Variants in CERK observed in about 807,000 individuals in gnomAD.
CERK encodes ceramide kinase, also known as acylsphingosine kinase.
A neutral mutation model predicts 63.4 loss-of-function variants in CERK; 39 were observed. That is an observed-to-expected ratio of 0.61 (90% CI 0.48 to 0.80). The LOEUF (loss-of-function observed/expected upper bound fraction) is 0.80, where lower values mean the gene tolerates loss of function less well. Ranked by LOEUF, CERK falls within the 30% of genes least tolerant of loss-of-function variation. CERK has a pLI of 0.00. For missense variants in CERK, 670 were observed against 714.1 expected (o/e 0.94, Z 0.70); for synonymous variants, 302 against 280.0 (o/e 1.08, Z -0.78).
intron 1 of CERK, among the ~76,000 whole-genome samples, chr22:46,735,685 C>T (rs182319300): frequency 1.3e-5 from 2 of 152,300 alleles, no homozygotes; most frequent in African/African-American, 4.8e-5. Flanking sequence ...CTCATCATTC[C>T]TCAACCTAAT....
intron 7 of CERK, among the ~76,000 whole-genome samples, chr22:46,701,371 G>A (rs1018476103): frequency 1.3e-5 from 2 of 152,238 alleles, no homozygotes; most frequent in African/African-American, 2.4e-5. Flanking sequence ...AGCTGAGTAC[G>A]GGCATCGCGC....
chr22:46,697,190 T>C (rs1292269916), intron 8 of CERK, among the ~76,000 whole-genome samples: 1 of 152,224 alleles, frequency 6.6e-6, no homozygotes, highest in African/African-American at 2.4e-5. Flanking sequence ...GTATCAGGAA[T>C]TACTCGATTT....
intron 12 of CERK, among the ~76,000 whole-genome samples, 172 bp from the exon 13 acceptor site, chr22:46,687,378 G>A (rs374181842): frequency 5.9e-5 from 9 of 152,264 alleles, no homozygotes; most frequent in East Asian, 3.9e-4. Context: ...CCCATGGAAC[G>A]GTCAGACGTC....
chr22:46,724,021 T>TA (rs2082905743), intron 1 of CERK, among the ~76,000 whole-genome samples: 2 of 152,108 alleles, frequency 1.3e-5, no homozygotes, highest in Admixed American at 1.3e-4. Context: ...AAAGTGACAC[T>TA]AAGCTCACTT....
rs562004168 is a variant in CERK at position 46,710,986 on chromosome 22, C to G, written c.569+100G>C. The G allele has an allele frequency of 1.0e-5, 9 of 891,828 alleles. No individual in the cohort carries two copies. In the Admixed American group the frequency reaches 1.9e-4, roughly 18 times the overall value. 55.2% of individuals were successfully genotyped at this position (891,828 alleles called of 1,614,324 possible). On this transcript the variant is annotated intron_variant, in intron 5 of 12. Coordinates refer to ENST00000216264, the MANE Select transcript of CERK (RefSeq NM_022766.6). ...TTTTACAATTGGTCGTGGGTGGAGG[C>G]GGGGGGCGGATTTAGGAAAAGGAGC...
At chr22:46,719,795 C>T (rs755527306) in intron 3 of CERK, among the ~76,000 whole-genome samples, 32 of 152,260 alleles carry the variant, frequency 2.1e-4, no homozygotes, top group Non-Finnish European at 4.6e-4. Flanking sequence ...ATTACCATCT[C>T]CGCTTCCAGA....
chr22:46,728,245 A>G (rs2082929388), intron 1 of CERK, among the ~76,000 whole-genome samples: 1 of 152,124 alleles, frequency 6.6e-6, no homozygotes, highest in Admixed American at 6.5e-5. Flanking sequence ...CGGGGTGTCC[A>G]AGGGCTCCAG....
chr22:46,695,352 AG>A (rs561978624), intron 8 of CERK, 37 bp from the exon 9 acceptor site: 42 of 1,189,342 alleles, frequency 3.5e-5, no homozygotes, highest in Non-Finnish European at 5.0e-5. Context: ...AACATCCACA[AG>A]GGTCATTGCT....
At chr22:46,721,154 T>C (rs910498031) in intron 1 of CERK, 139 bp from the exon 2 acceptor site, 5 of 622,888 alleles carry the variant, frequency 8.0e-6, no homozygotes, top group Non-Finnish European at 1.5e-5. Context: ...GGTGTGCACC[T>C]GTAATCCCAG....
Position 46,689,992 on chromosome 22 carries a change from C to T in CERK, c.1541G>A (p.Arg514Lys). Residue 514 changes from arginine (R) to lysine (K), a missense_variant and splice_region_variant, in exon 12 of 13, where the codon AGA (arginine) becomes AAA (lysine). By Grantham distance (26) the Arg-to-Lys change is conservative. Transcript: ENST00000216264. The stretch of plus-strand genomic sequence containing the variant: ...GTGGCTGGAGGACCCCTGCACGCAC[C>T]TGACCTCGATGGCAGGGCTGTGCAG... ...EVLHSPAIEVRVHCQLVRLFA... is the reference protein window; with the variant it reads ...EVLHSPAIEVKVHCQLVRLFA... 6.2e-7 allele frequency: 1 copy of T among 1,601,322 alleles called. No homozygotes were observed.
At chr22:46,692,759 G>A (rs191140840) in intron 10 of CERK, among the ~76,000 whole-genome samples, 29 of 151,956 alleles carry the variant, frequency 1.9e-4, no homozygotes, top group Non-Finnish European at 5.9e-5. Context: ...ACAAAGATTA[G>A]CTGGGCATGG....
At chr22:46,707,293 A>G (rs899699977) in intron 6 of CERK, among the ~76,000 whole-genome samples, 1 of 152,092 alleles carries the variant, frequency 6.6e-6, no homozygotes, top group Non-Finnish European at 1.5e-5. Context: ...TTAGCTTAAC[A>G]CTGTGATTTT....
intron 3 of CERK, among the ~76,000 whole-genome samples, chr22:46,713,737 G>A (rs142793326): frequency 6.6e-6 from 1 of 152,254 alleles, no homozygotes; most frequent in South Asian, 2.1e-4. Flanking sequence ...AGAGAGACTG[G>A]AGGCTTCCAC....
At chr22:46,693,836 C>T (rs1426088548) in intron 9 of CERK, 11 of 355,358 alleles carry the variant, frequency 3.1e-5, no homozygotes, top group Admixed American at 8.1e-5. Flanking sequence ...GTTCCCCCAG[C>T]GGACTCCTGG....
intron 1 of CERK, among the ~76,000 whole-genome samples, chr22:46,737,481 C>A (rs1424522140): frequency 2.0e-5 from 3 of 152,246 alleles, no homozygotes; most frequent in Non-Finnish European, 4.4e-5. Flanking sequence ...ATTCCCCCAT[C>A]CCGAGCAGGG....
At chr22:46,691,937 C>T (rs73471154) in intron 10 of CERK, among the ~76,000 whole-genome samples, 160 bp from the exon 11 acceptor site, 1,901 of 152,324 alleles carry the variant, frequency 0.012, 39 homozygotes, top group African/African-American at 0.043. Context: ...ACATCCACCA[C>T]GGAACTGTCC....
At chr22:46,728,086 G>C (rs1014359262) in intron 1 of CERK, among the ~76,000 whole-genome samples, 6 of 152,126 alleles carry the variant, frequency 3.9e-5, no homozygotes, top group Admixed American at 1.3e-4. Flanking sequence ...TTCAGGAAAT[G>C]AATCAGACTA....
chr22:46,692,154 C>T (rs951774257), intron 10 of CERK, among the ~76,000 whole-genome samples: 2 of 152,288 alleles, frequency 1.3e-5, no homozygotes. Context: ...AGGTCTGGCG[C>T]GGTGGCTCAC....
At chr22:46,695,994 C>T (rs1385885570) in intron 8 of CERK, among the ~76,000 whole-genome samples, 1 of 152,184 alleles carries the variant, frequency 6.6e-6, no homozygotes, top group Non-Finnish European at 1.5e-5. Flanking sequence ...CGACTTCACT[C>T]CTCCGTGTCT....
Sources: allele counts gnomAD v4.1 joint callset (sites outside exome capture counted in the v4.1 genomes callset), GRCh38; gene constraint gnomAD v4.1.1; transcripts MANE v1.5; gene names NCBI Gene and HGNC (gene_info 2026-07-23, HGNC 2026-07-21).